Variants in SLCO1B1 observed in about 807,000 individuals in gnomAD.
SLCO1B1 encodes the protein OATP-2.
In SLCO1B1, 81 loss-of-function variants were observed where a neutral mutation model predicts 70.1. The ratio of observed to expected loss-of-function variants is 1.16; its 90% CI spans 0.97 to 1.39. SLCO1B1 has a LOEUF of 1.39. SLCO1B1 is among the 40% of genes most tolerant of loss of function. The probability of loss-of-function intolerance (pLI) is 0.00; values close to 1 mark genes in which losing one functional copy is unlikely to be tolerated. For synonymous variants in SLCO1B1, 283 were observed against 271.5 expected, an observed-to-expected ratio of 1.04 and a Z score of -0.42; for missense variants, 895 against 799.6, an observed-to-expected ratio of 1.12 and a Z score of -1.44.
intron 12 of SLCO1B1, 61 bp downstream of exon 12, chr12:21,217,364 T>C: frequency 7.9e-7 from 1 of 1,267,044 alleles, no homozygotes. Flanking sequence ...CCTAATGATA[T>C]GCATATTTTT....
intron 1 of SLCO1B1, among the ~76,000 whole-genome samples, chr12:21,140,822 A>G (rs1940297998): frequency 2.0e-5 from 3 of 152,046 alleles, no homozygotes; most frequent in Admixed American, 2.0e-4. Context: ...CAAGAGTTAG[A>G]GGAAGAATCT....
At chr12:21,211,070 T>G (rs2121166343) in intron 11 of SLCO1B1, among the ~76,000 whole-genome samples, 1 of 152,340 alleles carries the variant, frequency 6.6e-6, no homozygotes, top group Non-Finnish European at 1.5e-5. Flanking sequence ...CCTGCCTAAT[T>G]GCCCTGGCCA....
intron 2 of SLCO1B1, among the ~76,000 whole-genome samples, chr12:21,152,161 C>T (rs1940479235): frequency 6.6e-6 from 1 of 151,906 alleles, no homozygotes; most frequent in East Asian, 1.9e-4. Flanking sequence ...CAGTCTTGTG[C>T]AGTATACTGA....
intron 7 of SLCO1B1, among the ~76,000 whole-genome samples, chr12:21,195,785 C>T (rs1359752228): frequency 6.6e-6 from 1 of 152,084 alleles, no homozygotes; most frequent in African/African-American, 2.4e-5. Flanking sequence ...CTTTATTTTC[C>T]GTAGCCTCCA....
chr12:21,139,602 C>T (rs892855241), intron 1 of SLCO1B1, among the ~76,000 whole-genome samples: 13 of 152,070 alleles, frequency 8.5e-5, no homozygotes, highest in Non-Finnish European at 1.8e-4. Flanking sequence ...AATATAGAGT[C>T]GAGTCTCATT....
intron 1 of SLCO1B1, among the ~76,000 whole-genome samples, chr12:21,135,027 T>C (rs917578307): frequency 2.4e-4 from 37 of 152,308 alleles, no homozygotes; most frequent in African/African-American, 8.7e-4. Context: ...GATTCTCGTA[T>C]GTTGTGTGTT....
intron 7 of SLCO1B1, among the ~76,000 whole-genome samples, chr12:21,186,478 C>T (rs1386335592): frequency 6.6e-6 from 1 of 151,980 alleles, no homozygotes; most frequent in Non-Finnish European, 1.5e-5. Context: ...GCAATACTGT[C>T]AACTTTGAAT....
chr12:21,165,148 T>C (rs1940668591), intron 2 of SLCO1B1, among the ~76,000 whole-genome samples: 1 of 152,166 alleles, frequency 6.6e-6, no homozygotes, highest in African/African-American at 2.4e-5. Flanking sequence ...TTTAGAACTA[T>C]TGCCATAATA....
intron 2 of SLCO1B1, among the ~76,000 whole-genome samples, chr12:21,155,345 T>A (rs1028490465): frequency 4.6e-5 from 7 of 152,102 alleles, no homozygotes; most frequent in African/African-American, 7.2e-5. Context: ...TATTTTATAC[T>A]ATTTTACATC....
chr12:21,196,020 T>C (rs1941088308), intron 7 of SLCO1B1, among the ~76,000 whole-genome samples: 3 of 152,300 alleles, frequency 2.0e-5, no homozygotes, highest in Non-Finnish European at 4.4e-5. Flanking sequence ...TAGTTCCTCT[T>C]GAATGCATGG....
intron 14 of SLCO1B1, among the ~76,000 whole-genome samples, chr12:21,232,058 A>G (rs1941544566): frequency 6.6e-6 from 1 of 152,164 alleles, no homozygotes; most frequent in South Asian, 2.1e-4. Context: ...TTCAAAGGTA[A>G]CTCACAGAAA....
chr12:21,135,328 G>C (rs1940202358), intron 1 of SLCO1B1, among the ~76,000 whole-genome samples: 2 of 152,298 alleles, frequency 1.3e-5, no homozygotes, highest in African/African-American at 2.4e-5. Flanking sequence ...GGGGTGGAGA[G>C]TTCTGTAGAT....
At chr12:21,183,752 T>C (rs1001014890) in intron 7 of SLCO1B1, among the ~76,000 whole-genome samples, 1 of 152,168 alleles carries the variant, frequency 6.6e-6, no homozygotes, top group Non-Finnish European at 1.5e-5. Context: ...TTAACCACAT[T>C]GGAATGACTA....
intron 7 of SLCO1B1, among the ~76,000 whole-genome samples, chr12:21,195,696 T>A (rs1243814200): frequency 6.6e-6 from 1 of 152,136 alleles, no homozygotes; most frequent in African/African-American, 2.4e-5. Context: ...TGTTTCTAAT[T>A]TTTTTTAACT....
At chr12:21,171,652 G>T (rs1036208959) in intron 2 of SLCO1B1, among the ~76,000 whole-genome samples, 2 of 152,150 alleles carry the variant, frequency 1.3e-5, no homozygotes, top group Non-Finnish European at 2.9e-5. Flanking sequence ...AGAAGAGGTC[G>T]TTTAGTCAGT....
At chr12:21,219,714 T>G (rs1941399768) in intron 12 of SLCO1B1, among the ~76,000 whole-genome samples, 1 of 152,036 alleles carries the variant, frequency 6.6e-6, no homozygotes, top group Non-Finnish European at 1.5e-5. Context: ...ATGAAATGAG[T>G]AAATGAAACA....
chr12:21,209,148 A>T (rs1270197272), intron 11 of SLCO1B1, among the ~76,000 whole-genome samples: 1 of 151,846 alleles, frequency 6.6e-6, no homozygotes, highest in Non-Finnish European at 1.5e-5. Context: ...ATGCTGGTGC[A>T]CTGAACCCAC....
At chr12:21,202,197 C>A (rs572672428) in intron 9 of SLCO1B1, among the ~76,000 whole-genome samples, 2 of 151,882 alleles carry the variant, frequency 1.3e-5, no homozygotes, top group Non-Finnish European at 2.9e-5. Flanking sequence ...CATCACACAC[C>A]GGGGACTGTT....
chr12:21,226,437 T>TA (rs906387339), intron 14 of SLCO1B1, among the ~76,000 whole-genome samples: 1 of 151,248 alleles, frequency 6.6e-6, no homozygotes, highest in Non-Finnish European at 1.5e-5. Flanking sequence ...AAAAGAACAT[T>TA]AAAAAAAATT....
Sources: allele counts gnomAD v4.1 joint callset (sites outside exome capture counted in the v4.1 genomes callset), GRCh38; gene constraint gnomAD v4.1.1; transcripts MANE v1.5; gene names NCBI Gene and HGNC (gene_info 2026-07-23, HGNC 2026-07-21).